CBR4: variants seen among roughly 807,000 people sequenced by gnomAD.
The protein encoded by CBR4 is carbonyl reductase 4, also known as 3-oxoacyl-[acyl-carrier-protein] reductase.
CBR4 carries 22 observed loss-of-function variants against 21.0 expected under a neutral mutation model. The observed-to-expected ratio is 1.05, with a 90% CI of 0.75 to 1.50. CBR4 has a LOEUF of 1.50. Among genes scored for constraint, CBR4 ranks in the 40% most tolerant of loss-of-function variants. The pLI is 0.00. For synonymous variants in CBR4, 100 were observed against 104.4 expected, an observed-to-expected ratio of 0.96 and a Z score of 0.26; for missense variants, 302 against 286.3, an observed-to-expected ratio of 1.05 and a Z score of -0.40.
chr4:168,973,690 T>C (rs1025580807), intron 2 of CBR4, among the ~76,000 whole-genome samples: 2 of 152,254 alleles, frequency 1.3e-5, no homozygotes, highest in Non-Finnish European at 2.9e-5. Context: ...AGCCTTTCAT[T>C]GTTGGCGATT....
At chr4:168,912,718 T>C (rs1442495428) in intron 2 of CBR4, among the ~76,000 whole-genome samples, 3 of 152,214 alleles carry the variant, frequency 2.0e-5, no homozygotes, top group Admixed American at 6.5e-5. Context: ...CACTTATCAT[T>C]TGTGTTGGAA....
chr4:168,903,934 G>T, intron 2 of CBR4: 1 of 1,605,038 alleles, frequency 6.2e-7, no homozygotes, highest in Non-Finnish European at 8.5e-7. Context: ...TCTGGGCTCA[G>T]TTCTGTGTCT....
chr4:168,955,036 A>C (rs1358610760), intron 2 of CBR4, among the ~76,000 whole-genome samples: 2 of 152,234 alleles, frequency 1.3e-5, no homozygotes, highest in East Asian at 1.9e-4. Flanking sequence ...TTCCAGGAAA[A>C]ACAAAATACT....
Position 169,010,126 on chromosome 4 carries a change from G to A in CBR4, c.-37C>T. ...AAACTCGGAGGAAAGAGGGTAGGGA[G>A]TGGGAGCCCCTCTCCAGGTTCCCTC... On this transcript the variant is annotated 5_prime_UTR_variant, in exon 1 of 5. Transcript: ENST00000306193. The A allele has an allele frequency of 2.6e-6, 4 of 1,542,138 alleles. No individual in the cohort carries two copies. The highest frequency in any genetic ancestry group is 3.5e-6 in the Non-Finnish European group (4 of 1,139,472).
At position 168,966,998 on chromosome 4, in the gene CBR4, G is replaced by A. The variant is rs540982808; in HGVS notation, n.169+35073C>T. Among the ~76,000 whole-genome samples, 9 of 129,370 alleles carry A rather than the reference G, an allele frequency of 7.0e-5. No homozygotes were observed. In the East Asian group the frequency reaches 2.0e-3, roughly 29 times the overall value. The allele number at this position is 129,370 out of a possible 152,430, so 84.9% of individuals were successfully genotyped here. A position where few individuals can be genotyped will look rare whatever the true frequency, so the allele number is the denominator to read the frequency against. ...CCACTGCACTCCAGCCTGGGCAATG[G>A]AGCAAAACTCCATCTAAAAAAAAAA... On this transcript the variant is annotated intron_variant and non_coding_transcript_variant, in intron 2 of 3. Coordinates refer to the CBR4 transcript ENST00000509108.
rs1352289145 is a variant in CBR4 at position 168,925,537 on chromosome 4, T to G, written n.170-30772A>C. The G allele has an allele frequency of 1.2e-5, 6 of 486,640 alleles. No homozygotes were observed. The Admixed American group carries it at 2.0e-4, about 16-fold the overall frequency. The allele number at this position is 486,640 out of a possible 1,614,324, so 30.1% of individuals were successfully genotyped here. On this transcript the variant is annotated intron_variant and non_coding_transcript_variant, in intron 2 of 3. Coordinates refer to the CBR4 transcript ENST00000509108. ...ATCCTGGAATGCGTACTTTTGTGGCTTAGTGCTTTTCTCATTAATATATCT... is the reference window on the plus strand; with the variant it reads ...ATCCTGGAATGCGTACTTTTGTGGCGTAGTGCTTTTCTCATTAATATATCT...
Position 168,989,261 on chromosome 4 carries a change from C to G in CBR4, c.*889G>C, listed in dbSNP as rs1032895257. ...TTTTAAATATTAATAGTTCACTATT[C>G]TAAGTTTTTCATGAATAAAAAACAC... On this transcript the variant is annotated 3_prime_UTR_variant, in exon 5 of 5. Transcript: ENST00000306193. 1.0e-6 allele frequency: 1 copy of G among 983,888 alleles called. No homozygotes were observed. The allele number at this position is 983,888 out of a possible 1,614,324, so 60.9% of individuals were successfully genotyped here. A position where few individuals can be genotyped will look rare whatever the true frequency, so the allele number is the denominator to read the frequency against.
intron 2 of CBR4, among the ~76,000 whole-genome samples, chr4:168,919,690 G>C (rs28508178): frequency 0.011 from 1,727 of 152,196 alleles, 49 homozygotes; most frequent in African/African-American, 0.039. Flanking sequence ...TTTAGCCCCT[G>C]AGGAACATTC....
chr4:168,924,279 T>A (rs1443067776), intron 2 of CBR4: 3 of 1,613,990 alleles, frequency 1.9e-6, no homozygotes, highest in Non-Finnish European at 2.5e-6. Context: ...AAACCCCCTG[T>A]GTTTATTGAG....
chr4:168,920,916 G>A (rs1007669805), intron 2 of CBR4, among the ~76,000 whole-genome samples: 6 of 152,120 alleles, frequency 3.9e-5, no homozygotes, highest in African/African-American at 1.4e-4. Flanking sequence ...GAAGCCCAGA[G>A]CCTGGTGCTG....
At chr4:168,981,820 A>G (rs1399946229) in intron 2 of CBR4, among the ~76,000 whole-genome samples, 1 of 152,240 alleles carries the variant, frequency 6.6e-6, no homozygotes, top group Admixed American at 6.5e-5. Flanking sequence ...ACTAAGCTTC[A>G]TAAGTGAAGG....
chr4:168,999,735 G>A (rs560753323), intron 4 of CBR4, among the ~76,000 whole-genome samples: 3 of 151,370 alleles, frequency 2.0e-5, no homozygotes, highest in Non-Finnish European at 4.4e-5. Flanking sequence ...CCCTTAGTAT[G>A]CAAACTGGAT....
Position 168,990,050 on chromosome 4 carries a change from G to A in CBR4, c.*100C>T. ...AAATTAACATTTGTAGCATCAGCAG[G>A]TTTGATTAGCACATGTTACCCATGT... On this transcript the variant is annotated 3_prime_UTR_variant, in exon 5 of 5. Transcript: ENST00000306193. The A allele has an allele frequency of 1.5e-6, 2 of 1,333,384 alleles. No homozygotes were observed. Among genetic ancestry groups the A allele is most frequent in the Non-Finnish European group, 1.9e-6 (2 of 1,033,640 alleles). 82.6% of individuals were successfully genotyped at this position (1,333,384 alleles called of 1,614,324 possible). A position where few individuals can be genotyped will look rare whatever the true frequency, so the allele number is the denominator to read the frequency against.
intron 1 of CBR4, chr4:169,008,990 G>A (rs1560996598): frequency 4.4e-6 from 2 of 454,038 alleles, no homozygotes; most frequent in South Asian, 3.1e-5. Context: ...AGACTGAGGC[G>A]AGAAGATCTC....
chr4:168,988,468 G>A lies in CBR4; in HGVS notation c.*1682C>T. ...TGTCCAGAGAAGAAAACTCAAGACT[G>A]AATGGGCTGCCATAATGGGGAAGTA... is the stretch of plus-strand genomic sequence containing the variant. On this transcript the variant is annotated 3_prime_UTR_variant, in exon 5 of 5. Coordinates refer to ENST00000306193, the MANE Select transcript of CBR4 (RefSeq NM_032783.5). 1.0e-6 allele frequency: 1 copy of A among 985,432 alleles called. No individual in the cohort carries two copies. The highest frequency in any genetic ancestry group is 1.2e-6 in the Non-Finnish European group (1 of 829,946). 61.0% of individuals were successfully genotyped at this position (985,432 alleles called of 1,614,324 possible). A position where few individuals can be genotyped will look rare whatever the true frequency, so the allele number is the denominator to read the frequency against.
At chr4:168,948,860 T>C (rs1300817137) in intron 2 of CBR4, among the ~76,000 whole-genome samples, 1 of 152,200 alleles carries the variant, frequency 6.6e-6, no homozygotes, top group African/African-American at 2.4e-5. Context: ...AATTTTTTGG[T>C]TTCATAAGAA....
At chr4:168,922,224 T>C (rs1761727498) in intron 2 of CBR4, among the ~76,000 whole-genome samples, 1 of 152,234 alleles carries the variant, frequency 6.6e-6, no homozygotes, top group East Asian at 1.9e-4. Context: ...CACTGATTAT[T>C]GTGTAGGTAA....
intron 2 of CBR4, chr4:168,927,694 TGTAAAGGCATCTCG>T (rs1762732822): frequency 4.4e-6 from 1 of 225,746 alleles, no homozygotes; most frequent in Non-Finnish European, 8.8e-6. Flanking sequence ...TTCCAAGGTT[TGTAAAGGCATCTCG>T]GTAAAGACTG....
chr4:168,926,700 T>TATC, intron 2 of CBR4: 1 of 335,106 alleles, frequency 3.0e-6, no homozygotes. Context: ...CAATTTGTAT[T>TATC]ATCTACAAGT....
Sources: allele counts gnomAD v4.1 joint callset (sites outside exome capture counted in the v4.1 genomes callset), GRCh38; gene constraint gnomAD v4.1.1; transcripts MANE v1.5; gene names NCBI Gene and HGNC (gene_info 2026-07-23, HGNC 2026-07-21).